SHISAL1: variants seen among roughly 807,000 people sequenced by gnomAD.
The protein encoded by SHISAL1 is protein shisa-like-1.
A neutral mutation model predicts 22.6 loss-of-function variants in SHISAL1; 9 were observed. The ratio of observed to expected loss-of-function variants is 0.40; its 90% CI spans 0.24 to 0.70. SHISAL1 has a LOEUF of 0.70. Among genes scored for constraint, SHISAL1 ranks in the 30% least tolerant of loss-of-function variants. The pLI, the probability that SHISAL1 is intolerant of heterozygous loss-of-function variation, is 0.39. For missense variants in SHISAL1, 246 were observed against 270.6 expected (o/e 0.91, Z 0.64); for synonymous variants, 119 against 115.4 (o/e 1.03, Z -0.20).
At chr22:44,316,151 G>T (rs1307390463), upstream of SHISAL1, among the ~76,000 whole-genome samples, 1 of 152,156 alleles carries the variant, frequency 6.6e-6, no homozygotes, top group Non-Finnish European at 1.5e-5. Flanking sequence ...TCCAGATTTG[G>T]AGCAGACCAA....
chr22:44,253,105 T>TG (rs2055060183), intron 4 of SHISAL1, among the ~76,000 whole-genome samples: 1 of 152,220 alleles, frequency 6.6e-6, no homozygotes, highest in Non-Finnish European at 1.5e-5. Flanking sequence ...ACCCCTGAAC[T>TG]GTATACTTTA....
intron 4 of SHISAL1, among the ~76,000 whole-genome samples, chr22:44,277,655 C>T (rs892940130): frequency 1.6e-4 from 25 of 152,122 alleles, no homozygotes; most frequent in Admixed American, 1.4e-3. Flanking sequence ...CCGAAGGACC[C>T]TGGGCGTGAG....
upstream of SHISAL1, among the ~76,000 whole-genome samples, chr22:44,315,592 G>A (rs1299100664): frequency 6.6e-6 from 1 of 152,150 alleles, no homozygotes; most frequent in Non-Finnish European, 1.5e-5. Flanking sequence ...AGGACACCAG[G>A]CCATATAACA....
At position 44,264,555 on chromosome 22, in the gene SHISAL1, C is replaced by T. The variant is rs556627985; in HGVS notation, c.*-14870G>A. ...TTGGGGCACAGGTGGGGTGTCCTGA[C>T]GGATGTAGTCACTCTCAGGGGATGT... On this transcript the variant is annotated intron_variant, in intron 4 of 4. Transcript: ENST00000381176. 1.2e-4 allele frequency among the ~76,000 whole-genome samples: 18 copies of T among 152,248 alleles called. No homozygotes were observed. In the South Asian group the frequency reaches 1.7e-3, roughly 14 times the overall value.
At chr22:44,249,934 G>A (rs2055035485) in intron 4 of SHISAL1, among the ~76,000 whole-genome samples, 2 of 152,164 alleles carry the variant, frequency 1.3e-5, no homozygotes, top group South Asian at 4.1e-4. Flanking sequence ...GAATAGGACT[G>A]GAATAGAAGA....
chr22:44,318,590 C>G, the SHISAL1 span, among the ~76,000 whole-genome samples: 3 of 152,226 alleles, frequency 2.0e-5, no homozygotes, highest in Non-Finnish European at 4.4e-5. Context: ...ACCTCTGAAG[C>G]AGGCTGCTAA....
intron 3 of SHISAL1, among the ~76,000 whole-genome samples, chr22:44,287,471 G>T (rs1265863633): frequency 6.6e-6 from 1 of 152,200 alleles, no homozygotes; most frequent in African/African-American, 2.4e-5. Flanking sequence ...CCCATGAGCA[G>T]CTGTAGGCCA....
the SHISAL1 span, among the ~76,000 whole-genome samples, chr22:44,325,852 C>T: frequency 6.6e-6 from 1 of 151,922 alleles, no homozygotes; most frequent in African/African-American, 2.4e-5. Context: ...CTCCTCTTCC[C>T]GAAATGCCCC....
At chr22:44,299,445 C>T (rs1232278769) in intron 2 of SHISAL1, among the ~76,000 whole-genome samples, 1 of 152,200 alleles carries the variant, frequency 6.6e-6, no homozygotes, top group Non-Finnish European at 1.5e-5. Context: ...TGAGTGGGTC[C>T]GTCCTCCAGG....
chr22:44,287,867 C>T (rs560499978), intron 3 of SHISAL1, among the ~76,000 whole-genome samples: 16 of 152,228 alleles, frequency 1.1e-4, no homozygotes, highest in Admixed American at 7.8e-4. Context: ...GCAGCCCCCA[C>T]GGAATTGCTC....
At chr22:44,302,413 A>G (rs906785604) in intron 1 of SHISAL1, among the ~76,000 whole-genome samples, 1 of 136,006 alleles carries the variant, frequency 7.4e-6, no homozygotes, top group African/African-American at 3.0e-5. Flanking sequence ...TTTTGCCACA[A>G]TAAAAAAAAA....
intron 3 of SHISAL1, among the ~76,000 whole-genome samples, chr22:44,290,866 G>C (rs1465993746): frequency 6.6e-6 from 1 of 152,214 alleles, no homozygotes. Flanking sequence ...TCTAGACCCA[G>C]AGGCAAAGTG....
At chr22:44,326,727 G>T in the SHISAL1 span, among the ~76,000 whole-genome samples, 3 of 152,134 alleles carry the variant, frequency 2.0e-5, no homozygotes, top group Admixed American at 6.5e-5. Flanking sequence ...AGCAGGCTGG[G>T]GGGTATGGGC....
At chr22:44,297,022 G>A (rs1163004122) in intron 2 of SHISAL1, 137 bp from the exon 3 acceptor site, 5 of 667,570 alleles carry the variant, frequency 7.5e-6, no homozygotes, top group Non-Finnish European at 1.3e-5. Context: ...TCCACTGTGA[G>A]CCTCACCTCT....
At chr22:44,277,551 G>A (rs1207831572) in intron 4 of SHISAL1, among the ~76,000 whole-genome samples, 13 of 152,196 alleles carry the variant, frequency 8.5e-5, no homozygotes, top group Admixed American at 2.6e-4. Flanking sequence ...GTGCTGGATC[G>A]CTGGGCCGCA....
At chr22:44,305,099 G>C (rs948195107) in intron 1 of SHISAL1, among the ~76,000 whole-genome samples, 2 of 152,198 alleles carry the variant, frequency 1.3e-5, no homozygotes, top group East Asian at 3.8e-4. Context: ...AGCTGCTTCA[G>C]TACTACCTCC....
At chr22:44,255,194 T>A (rs541436904) in intron 4 of SHISAL1, among the ~76,000 whole-genome samples, 1 of 151,974 alleles carries the variant, frequency 6.6e-6, no homozygotes, top group East Asian at 1.9e-4. Context: ...ATATATATTT[T>A]TTTTGAGATG....
Position 44,245,475 on chromosome 22 carries a change from T to G in SHISAL1, c.*4210A>C, listed in dbSNP as rs1404079308. On this transcript the variant is annotated 3_prime_UTR_variant, in exon 5 of 5. Coordinates refer to ENST00000381176, the MANE Select transcript of SHISAL1 (RefSeq NM_001099294.2). ...AATTCACTTCCGAAGGCTTTTCCTG[T>G]TGATGGGGACCAGTTCAGCCAAGTT... is the stretch of plus-strand genomic sequence containing the variant. 6.6e-6 allele frequency: 1 copy of G among 152,264 alleles called. No individual in the cohort carries two copies. Among genetic ancestry groups the G allele is most frequent in the Non-Finnish European group, 1.5e-5 (1 of 68,066 alleles). 9.4% of individuals were successfully genotyped at this position (152,264 alleles called of 1,614,324 possible). A position where few individuals can be genotyped will look rare whatever the true frequency, so the allele number is the denominator to read the frequency against.
intron 4 of SHISAL1, among the ~76,000 whole-genome samples, chr22:44,284,646 T>G (rs2055298767): frequency 6.6e-6 from 1 of 152,152 alleles, no homozygotes. Flanking sequence ...CGACCCTCAG[T>G]CTGGCTCCTG....
Sources: gnomAD v4.1 joint callset for allele counts (sites outside exome capture counted in the v4.1 genomes callset) on GRCh38, gnomAD v4.1.1 for gene constraint, MANE v1.5 for transcripts, NCBI Gene and HGNC (gene_info 2026-07-23, HGNC 2026-07-21) for gene names.